USP6: variants seen among roughly 807,000 people sequenced by gnomAD.
USP6 encodes the protein ubiquitin carboxyl-terminal hydrolase 6.
In USP6, 128 loss-of-function variants were observed where a neutral mutation model predicts 175.7. The ratio of observed to expected loss-of-function variants is 0.73; its 90% CI spans 0.63 to 0.84. USP6 has a LOEUF of 0.84. Among genes scored for constraint, USP6 ranks in the 40% least tolerant of loss-of-function variants. USP6 has a pLI of 0.00. For synonymous variants in USP6, 562 were observed against 630.6 expected (o/e 0.89, Z 1.63); for missense variants, 1,498 against 1,760.3 (o/e 0.85, Z 2.67).
At chr17:5,146,616 A>G (rs1265299172) in intron 28 of USP6, among the ~76,000 whole-genome samples, 1 of 152,226 alleles carries the variant, frequency 6.6e-6, no homozygotes, top group Non-Finnish European at 1.5e-5. Flanking sequence ...GAGTAAAGAC[A>G]AATTGACACC....
chr17:5,144,795 G>T lies in USP6; in HGVS notation c.1924G>T (p.Val642Phe). ...LDGLHEDLNR[V>F]HEKPYVELKD... The stretch of plus-strand genomic sequence containing the variant: ...TGGTCTTCATGAAGATCTCAACCGA[G>T]TCCATGAAAAGCCATATGTGGAACT... The change falls in exon 26 of 38, where the codon GTC becomes TTC. Residue 642 changes from valine to phenylalanine, a missense_variant. By Grantham distance (50) the Val-to-Phe change is conservative (BLOSUM62 -1). Transcript: ENST00000574788. 2.5e-6 allele frequency: 4 copies of T among 1,613,664 alleles called. No homozygotes were observed. The highest frequency in any genetic ancestry group is 3.4e-6 in the Non-Finnish European group (4 of 1,179,682).
At chr17:5,127,795 T>G (rs138900302) in intron 7 of USP6, among the ~76,000 whole-genome samples, 156 bp downstream of exon 7, 1 of 152,364 alleles carries the variant, frequency 6.6e-6, no homozygotes, top group African/African-American at 2.4e-5. Context: ...AGACCATCTC[T>G]AGATTATTCA....
chr17:5,137,776 C>T, intron 20 of USP6, 26 bp downstream of exon 20: 1 of 1,604,336 alleles, frequency 6.2e-7, no homozygotes, highest in Non-Finnish European at 8.5e-7. Flanking sequence ...CCCAGTGGGG[C>T]CTGGGGAGCC....
intron 31 of USP6, among the ~76,000 whole-genome samples, chr17:5,158,655 G>C (rs2073943510): frequency 6.7e-6 from 1 of 148,924 alleles, no homozygotes; most frequent in Non-Finnish European, 1.5e-5. Flanking sequence ...GAGAGAGAGA[G>C]AGAGAGAGAG....
Position 5,174,022 on chromosome 17 carries a change from T to C in USP6, c.*1044T>C, listed in dbSNP as rs1475257624. 2 of 212,384 alleles carry C rather than the reference T, an allele frequency of 9.4e-6. No individual in the cohort carries two copies. Among genetic ancestry groups the C allele is most frequent in the Non-Finnish European group, 1.9e-5 (2 of 104,530 alleles). The allele number at this position is 212,384 out of a possible 1,614,324, so 13.2% of individuals were successfully genotyped here. ...TACAAACAAAACACATCCCAGACAT[T>C]AGGAGTTCATAAGTATATTTAATGA... On this transcript the variant is annotated 3_prime_UTR_variant, in exon 38 of 38. Coordinates refer to ENST00000574788, the MANE Select transcript of USP6 (RefSeq NM_001304284.2).
At position 5,161,611 on chromosome 17, in the gene USP6, A is replaced by G. The variant is rs1168816347; in HGVS notation, c.2912A>G (p.Tyr971Cys). The G allele has an allele frequency of 1.9e-6, 3 of 1,613,720 alleles. No homozygotes were observed. Among genetic ancestry groups the G allele is most frequent in the Non-Finnish European group, 1.7e-6 (2 of 1,179,742 alleles). ...DGNSCAWCPQ[Y>C]RFCRGCKIDC... ...AACTCCTGTGCTTGGTGCCCACAGT[A>G]TAGGTAAAGTGACCTGCAAAAGAAT... Residue 971 changes from tyrosine to cysteine, a missense_variant, in exon 32 of 38, where the codon TAT (tyrosine) becomes TGT (cysteine). By Grantham distance (194) the Tyr-to-Cys change is radical. Around this residue, in one of 2 missense-constraint regions of USP6, gnomAD observed 1,217 missense variants for 1,500.8 expected, o/e 0.81. Coordinates refer to ENST00000574788, the MANE Select transcript of USP6 (RefSeq NM_001304284.2).
Position 5,133,505 on chromosome 17 carries a change from C to T in USP6, c.339C>T (p.Leu113=), listed in dbSNP as rs1235425347. 2 of 1,611,764 alleles carry T rather than the reference C, an allele frequency of 1.2e-6. No homozygotes were observed. Among genetic ancestry groups the T allele is most frequent in the East Asian group, 2.2e-5 (1 of 44,868 alleles). Residue 113 remains leucine, a synonymous_variant, in exon 14 of 38, where the codon CTC becomes CTT. Coordinates refer to ENST00000574788, the MANE Select transcript of USP6 (RefSeq NM_001304284.2). ...MNIRGPVWSV[L]LNIQEIKLKN... ...TCCGGGGCCCGGTGTGGTCAGTCCT[C>T]CTGAACATTCAGGAAATCAAGTTGA... is the stretch of plus-strand genomic sequence containing the variant.
At position 5,136,670 on chromosome 17, in the gene USP6, A is replaced by G; in HGVS notation, c.695A>G (p.Gln232Arg). ...CACAGCCCAAATGGTGGGACAGTCC[A>G]GGGGCTCCAAGACCAACAGGAGCAT... ...GFHSPNGGTV[Q>R]GLQDQQEHVV... Residue 232 changes from glutamine (Q) to arginine (R), a missense_variant, in exon 18 of 38, where the codon CAG becomes CGG. Around this residue, in one of 2 missense-constraint regions of USP6, gnomAD observed 1,217 missense variants for 1,500.8 expected, o/e 0.81. Coordinates refer to ENST00000574788, the MANE Select transcript of USP6 (RefSeq NM_001304284.2). The G allele has an allele frequency of 6.2e-7, 1 of 1,612,040 alleles. No individual in the cohort carries two copies. The highest frequency in any genetic ancestry group is 8.5e-7 in the Non-Finnish European group (1 of 1,179,742).
At chr17:5,127,306 C>T (rs1052378192) in intron 6 of USP6, among the ~76,000 whole-genome samples, 198 bp from the exon 7 acceptor site, 3 of 152,226 alleles carry the variant, frequency 2.0e-5, no homozygotes, top group African/African-American at 7.2e-5. Context: ...CCGCCCCAAA[C>T]CAGCCCCAGC....
Position 5,171,657 on chromosome 17 carries a change from G to C in USP6, c.4025G>C (p.Cys1342Ser), listed in dbSNP as rs1161796071. The C allele has an allele frequency of 2.5e-6, 4 of 1,613,668 alleles. No homozygotes were observed. In the Admixed American group the frequency reaches 6.7e-5, roughly 27 times the overall value. The change falls in exon 37 of 38, where the codon TGT becomes TCT. Residue 1342 changes from cysteine to serine, a missense_variant. Physicochemically the swap from Cys to Ser is moderately radical, Grantham distance 112. Coordinates refer to ENST00000574788, the MANE Select transcript of USP6 (RefSeq NM_001304284.2). ...YAKNPNCKWY[C>S]YNDSSCEELH... ...AAAAACCCAAACTGCAAGTGGTACT[G>C]TTATAATGACAGCAGCTGTGAGGTA... is the stretch of plus-strand genomic sequence containing the variant.
chr17:5,130,248 T>G lies in USP6; in HGVS notation c.-1-119T>G, dbSNP rs542110591. 12 of 925,776 alleles carry G rather than the reference T, an allele frequency of 1.3e-5. No homozygotes were observed. In the East Asian group the frequency reaches 3.0e-4, roughly 23 times the overall value. The allele number at this position is 925,776 out of a possible 1,614,324, so 57.3% of individuals were successfully genotyped here. A position where few individuals can be genotyped will look rare whatever the true frequency, so the allele number is the denominator to read the frequency against. ...GGGGTTTGGCCCCTTTTTACCGGAG[T>G]GCAGTGGTGGAATGAAGGTTATACA... On this transcript the variant is annotated intron_variant, in intron 9 of 37. Coordinates refer to ENST00000574788, the MANE Select transcript of USP6 (RefSeq NM_001304284.2).
chr17:5,138,406 C>CT (rs1169787416), intron 21 of USP6, 133 bp downstream of exon 21: 2 of 1,504,820 alleles, frequency 1.3e-6, no homozygotes, highest in East Asian at 2.3e-5. Flanking sequence ...CTCCTGGACT[C>CT]TAAGAAAGTA....
intron 30 of USP6, among the ~76,000 whole-genome samples, chr17:5,150,493 T>C (rs1170318501): frequency 6.6e-6 from 1 of 150,716 alleles, no homozygotes; most frequent in African/African-American, 2.4e-5. Flanking sequence ...ACAACAGAAA[T>C]ATATCTTTTT....
chr17:5,147,041 C>T, intron 28 of USP6, 42 bp from the exon 29 acceptor site: 2 of 1,556,686 alleles, frequency 1.3e-6, no homozygotes, highest in Non-Finnish European at 1.8e-6. Flanking sequence ...TCCTTTTTAT[C>T]TGAAACATCT....
chr17:5,161,379 G>A (rs2074000402), intron 31 of USP6, 149 bp from the exon 32 acceptor site: 1 of 739,542 alleles, frequency 1.4e-6, no homozygotes, highest in Admixed American at 2.5e-5. Flanking sequence ...TGCAGCTAAT[G>A]GATTAGGGTA....
At chr17:5,168,214 T>A (rs1431060957) in intron 34 of USP6, 91 bp downstream of exon 34, 22 of 1,428,842 alleles carry the variant, frequency 1.5e-5, no homozygotes, top group Non-Finnish European at 2.1e-5. Flanking sequence ...TTTTTGAGAA[T>A]AAGACTTTTC....
intron 32 of USP6, 94 bp from the exon 33 acceptor site, chr17:5,162,790 G>A: frequency 6.6e-7 from 1 of 1,520,440 alleles, no homozygotes; most frequent in African/African-American, 1.4e-5. Context: ...CAAGAGGAAA[G>A]CAGAAAAGTA....
At chr17:5,148,884 T>A (rs2086734533) in intron 30 of USP6, 117 bp downstream of exon 30, 6 of 1,454,560 alleles carry the variant, frequency 4.1e-6, no homozygotes, top group Non-Finnish European at 5.4e-6. Context: ...CTTTAATTTT[T>A]AAAAATTTAA....
chr17:5,135,406 A>G, intron 16 of USP6, 124 bp downstream of exon 16: 2 of 1,303,006 alleles, frequency 1.5e-6, no homozygotes, highest in Non-Finnish European at 2.2e-6. Context: ...TATAGGAGGT[A>G]GGATTCTAGG....
Sources: allele counts gnomAD v4.1 joint callset (sites outside exome capture counted in the v4.1 genomes callset), GRCh38; gene constraint gnomAD v4.1.1; regional missense constraint gnomAD v4.1.1; transcripts MANE v1.5; gene names NCBI Gene and HGNC (gene_info 2026-07-23, HGNC 2026-07-21).